Variants in ITPK1 observed in about 807,000 individuals in gnomAD.
ITPK1 encodes inositol 1,3,4-trisphosphate 5/6-kinase.
ITPK1 carries 21 observed loss-of-function variants against 45.3 expected under a neutral mutation model. The ratio of observed to expected loss-of-function variants is 0.46; its 90% CI spans 0.33 to 0.67. ITPK1 has a LOEUF of 0.67. ITPK1 is among the 30% of genes least tolerant of loss of function. The pLI is 0.02. For synonymous variants in ITPK1, 258 were observed against 253.6 expected, an observed-to-expected ratio of 1.02 and a Z score of -0.16; for missense variants, 474 against 573.5, an observed-to-expected ratio of 0.83 and a Z score of 1.77.
intron 5 of ITPK1, among the ~76,000 whole-genome samples, chr14:92,987,841 G>T (rs1034589094): frequency 6.6e-6 from 1 of 152,186 alleles, no homozygotes; most frequent in Non-Finnish European, 1.5e-5. Context: ...CTCCCGGACT[G>T]GGGGAGGGCA....
chr14:93,058,957 A>G (rs1187691112), intron 3 of ITPK1, among the ~76,000 whole-genome samples: 1 of 3,066 alleles, frequency 3.3e-4, no homozygotes, highest in Non-Finnish European at 5.6e-4. Flanking sequence ...GGGGGTGCGG[A>G]TCATAAGGCA....
At chr14:93,102,300 T>G (rs1249868368) in intron 2 of ITPK1, among the ~76,000 whole-genome samples, 2 of 152,094 alleles carry the variant, frequency 1.3e-5, no homozygotes, top group Admixed American at 1.3e-4. Flanking sequence ...CAGGTCAAGG[T>G]GATAAAAAGG....
At chr14:93,006,796 G>C (rs999423520) in intron 4 of ITPK1, among the ~76,000 whole-genome samples, 2 of 152,190 alleles carry the variant, frequency 1.3e-5, no homozygotes, top group Non-Finnish European at 2.9e-5. Context: ...GAAGGAAAGA[G>C]AACACTATTA....
rs1887211341 is a variant in ITPK1, at chr14:92,938,421, G to A, written c.*3140C>T. 2.2e-5 allele frequency: 28 copies of A among 1,298,334 alleles called. 1 individual carries two copies. In the South Asian group the frequency reaches 3.0e-4, roughly 14 times the overall value. The allele number at this position is 1,298,334 out of a possible 1,614,324, so 80.4% of individuals were successfully genotyped here. A position where few individuals can be genotyped will look rare whatever the true frequency, so the allele number is the denominator to read the frequency against. Reference sequence around the variant, plus strand: ...AGGCTGGCTCCCTTGGTCTTGGGGTGGCTGTCTGGCAGGCAACAGCTGCTT... The same window carrying A: ...AGGCTGGCTCCCTTGGTCTTGGGGTAGCTGTCTGGCAGGCAACAGCTGCTT... On this transcript the variant is annotated 3_prime_UTR_variant, in exon 11 of 11. Coordinates refer to ENST00000267615, the MANE Select transcript of ITPK1 (RefSeq NM_014216.6).
rs373297409 is a variant in ITPK1, at chr14:93,034,784, CGGGCAGT to C, written c.121-17990_121-17984del. Among the ~76,000 whole-genome samples the C allele has an allele frequency of 1.8e-4, 27 of 152,388 alleles. No homozygotes were observed. The highest frequency in any genetic ancestry group is 5.8e-4 in the East Asian group (3 of 5,192). ...AAGGCTGGCATGGCCCCAGCACACA[CGGGCAGT>C]GGGCAGTGGGCAGTGCCAGTGCCCA... On this transcript the variant is annotated intron_variant, in intron 3 of 10. Coordinates refer to ENST00000267615, the MANE Select transcript of ITPK1 (RefSeq NM_014216.6). This position sits in a 1 kb window ranked among gnomAD's most constrained non-coding sequence, Gnocchi z 4.1.
intron 2 of ITPK1, among the ~76,000 whole-genome samples, chr14:93,106,497 A>G (rs1241407355): frequency 6.6e-6 from 1 of 152,198 alleles, no homozygotes; most frequent in Non-Finnish European, 1.5e-5. Flanking sequence ...TGGCCTCTAC[A>G]AAGTGGACAC....
At position 92,939,938 on chromosome 14, in the gene ITPK1, C is replaced by T. The variant is rs948446927; in HGVS notation, c.*1623G>A. 1 of 985,860 alleles carries T rather than the reference C, an allele frequency of 1.0e-6. No individual in the cohort carries two copies. Among genetic ancestry groups the T allele is most frequent in the South Asian group, 4.7e-5 (1 of 21,288 alleles). 61.1% of individuals were successfully genotyped at this position (985,860 alleles called of 1,614,324 possible). On this transcript the variant is annotated 3_prime_UTR_variant, in exon 11 of 11. Transcript: ENST00000267615. ...AGCCACGCTTTCCTGTTCCCCAGGG[C>T]TCAGGGTCAGAACTAGGAAAGGTGA...
Position 93,076,574 on chromosome 14 carries a change from G to A in ITPK1, c.120+21C>T, listed in dbSNP as rs143952762. ...AGGGCCCCACTACCCAAAGAACCAC[G>A]GGGACGCGGTCTGTACTCACCTGCA... On this transcript the variant is annotated intron_variant, in intron 3 of 10. Transcript: ENST00000267615. The surrounding 1 kb of genome is among the most constrained non-coding windows in gnomAD (Gnocchi z 4.3). 3.4e-4 allele frequency: 549 copies of A among 1,614,006 alleles called. 2 individuals carry two copies. In the East Asian group the frequency reaches 9.2e-3, roughly 27 times the overall value.
rs1343894647 is a variant in ITPK1 at position 92,958,982 on chromosome 14, G to A, written c.505-616C>T. 1.3e-5 allele frequency among the ~76,000 whole-genome samples: 2 copies of A among 152,206 alleles called. No individual in the cohort carries two copies. The highest frequency in any genetic ancestry group is 2.9e-5 in the Non-Finnish European group (2 of 68,040). The stretch of plus-strand genomic sequence containing the variant: ...GTTCAGTGACTGCTGGACAGTGAGT[G>A]AGCCCGGGATGGAACTGGGTCTGCA... On this transcript the variant is annotated intron_variant, in intron 7 of 10. Transcript: ENST00000267615. The surrounding 1 kb of genome is among the most constrained non-coding windows in gnomAD (Gnocchi z 4.4).
chr14:93,023,769 C>A (rs1050408332), intron 3 of ITPK1, among the ~76,000 whole-genome samples: 1 of 152,098 alleles, frequency 6.6e-6, no homozygotes, highest in Admixed American at 6.6e-5. Context: ...CTTGTCAGAG[C>A]CCTTAGGAGC....
intron 4 of ITPK1, among the ~76,000 whole-genome samples, chr14:93,015,794 G>A (rs773097357): frequency 2.0e-5 from 3 of 152,218 alleles, no homozygotes; most frequent in Non-Finnish European, 2.9e-5. Flanking sequence ...GGCTGACCCC[G>A]AACACACGGG....
intron 8 of ITPK1, among the ~76,000 whole-genome samples, chr14:92,953,041 A>C (rs956467469): frequency 6.6e-6 from 1 of 152,186 alleles, no homozygotes; most frequent in Non-Finnish European, 1.5e-5. Context: ...CCCAGGATGC[A>C]ATGCACACCC....
chr14:93,044,184 T>C (rs1224315243), intron 3 of ITPK1, among the ~76,000 whole-genome samples: 1 of 152,182 alleles, frequency 6.6e-6, no homozygotes, highest in African/African-American at 2.4e-5. Context: ...ACCATGAGGC[T>C]GGTGGTGTGG....
intron 2 of ITPK1, among the ~76,000 whole-genome samples, chr14:93,094,901 A>G (rs1334088221): frequency 6.6e-6 from 1 of 152,222 alleles, no homozygotes; most frequent in African/African-American, 2.4e-5. Flanking sequence ...CCACAGCGTC[A>G]CGCCTTGGCA....
chr14:92,942,719 C>G (rs1887493507), intron 10 of ITPK1, among the ~76,000 whole-genome samples: 1 of 150,852 alleles, frequency 6.6e-6, no homozygotes, highest in African/African-American at 2.5e-5. Flanking sequence ...CTTCCTAACA[C>G]AGTTGCGAAC....
At chr14:93,024,955 G>A (rs762559852) in intron 3 of ITPK1, among the ~76,000 whole-genome samples, 3 of 152,078 alleles carry the variant, frequency 2.0e-5, no homozygotes, top group African/African-American at 4.8e-5. Context: ...CATGTGGTCC[G>A]AGATACAATC....
At chr14:93,100,265 A>C (rs1287742614) in intron 2 of ITPK1, among the ~76,000 whole-genome samples, 3 of 152,142 alleles carry the variant, frequency 2.0e-5, no homozygotes, top group African/African-American at 7.2e-5. Context: ...GAGCCAACCC[A>C]ACCAGCTCTG....
intron 4 of ITPK1, among the ~76,000 whole-genome samples, chr14:93,007,939 G>A (rs749982247): frequency 2.6e-5 from 4 of 152,220 alleles, no homozygotes; most frequent in Non-Finnish European, 4.4e-5. Context: ...GAGCTGGCAC[G>A]ATATTTTGTG....
chr14:93,064,837 G>A (rs1490959624), intron 3 of ITPK1, among the ~76,000 whole-genome samples: 1 of 152,228 alleles, frequency 6.6e-6, no homozygotes, highest in Non-Finnish European at 1.5e-5. Flanking sequence ...GTGCTTCCCA[G>A]GGGAGTTCTT....
Sources: gnomAD v4.1 joint callset for allele counts (sites outside exome capture counted in the v4.1 genomes callset) on GRCh38, gnomAD v4.1.1 for gene constraint, Gnocchi (gnomAD v3.1) non-coding constraint, MANE v1.5 for transcripts, NCBI Gene and HGNC (gene_info 2026-07-23, HGNC 2026-07-21) for gene names.